Variants in ATL3 observed in about 807,000 individuals in gnomAD.
ATL3 encodes atlastin GTPase 3.
Under a neutral mutation model 69.5 loss-of-function variants are expected in ATL3, and 49 were observed. That is an observed-to-expected ratio of 0.71 (90% CI 0.56 to 0.89). The LOEUF (loss-of-function observed/expected upper bound fraction) is 0.89, where lower values mean the gene tolerates loss of function less well. Ranked by LOEUF, ATL3 falls within the 40% of genes least tolerant of loss-of-function variation. The probability of loss-of-function intolerance (pLI) is 0.00; values close to 1 mark genes in which losing one functional copy is unlikely to be tolerated. For missense variants in ATL3, 606 were observed against 645.7 expected (o/e 0.94, Z 0.67); for synonymous variants, 214 against 224.1 (o/e 0.95, Z 0.40).
chr11:63,646,264 G>A (rs1434804127), intron 6 of ATL3, among the ~76,000 whole-genome samples: 3 of 152,180 alleles, frequency 2.0e-5, no homozygotes, highest in South Asian at 2.1e-4. Context: ...AAAGACAAAT[G>A]AGCATGGCTG....
chr11:63,662,725 C>A (rs1016518888), intron 1 of ATL3, among the ~76,000 whole-genome samples: 3 of 152,292 alleles, frequency 2.0e-5, no homozygotes, highest in Non-Finnish European at 4.4e-5. Flanking sequence ...ATGATCCACT[C>A]GTCTCAACCT....
chr11:63,630,894 T>C, intron 12 of ATL3, 146 bp downstream of exon 12: 4 of 656,220 alleles, frequency 6.1e-6, no homozygotes, highest in Non-Finnish European at 1.0e-5. Flanking sequence ...TAATAAAACA[T>C]ACAGTCTATC....
chr11:63,648,944 C>G (rs1939980906), intron 5 of ATL3, among the ~76,000 whole-genome samples: 1 of 151,990 alleles, frequency 6.6e-6, no homozygotes, highest in African/African-American at 2.4e-5. Context: ...ATAGTGAAAC[C>G]CTGTCTCTAC....
intron 1 of ATL3, among the ~76,000 whole-genome samples, chr11:63,661,130 G>A (rs1431304960): frequency 6.6e-6 from 1 of 151,410 alleles, no homozygotes; most frequent in Non-Finnish European, 1.5e-5. Flanking sequence ...GGCTGAGGGA[G>A]AAGAATTGCT....
chr11:63,671,318 TC>T lies in ATL3; in HGVS notation c.17del (p.Arg6GlnfsTer36), dbSNP rs1364498817. 6.3e-7 allele frequency: 1 copy of T among 1,588,412 alleles called. No individual in the cohort carries two copies. Among genetic ancestry groups the T allele is most frequent in the South Asian group, 1.1e-5 (1 of 88,792 alleles). MLSPQ[R>X]VAAAASRGAD... is the part of the protein sequence containing the mutation. ...CTCCTCTTGAGGCAGCTGCTGCCAC[TC>T]GCTGAGGGGACAACATGGAGCCTCC... is the stretch of plus-strand genomic sequence containing the variant. On this transcript the variant is annotated frameshift_variant, in exon 1 of 13. Coordinates refer to ENST00000398868, the MANE Select transcript of ATL3 (RefSeq NM_015459.5). LOFTEE classifies it high-confidence loss of function.
chr11:63,651,885 CT>C, intron 5 of ATL3, 50 bp downstream of exon 5: 1 of 1,551,786 alleles, frequency 6.4e-7, no homozygotes, highest in South Asian at 1.2e-5. Context: ...GTTCCTTAAT[CT>C]TAAAACTTTT....
chr11:63,629,279 G>A lies in ATL3; in HGVS notation c.*40C>T. On this transcript the variant is annotated 3_prime_UTR_variant, in exon 13 of 13. Transcript: ENST00000398868. The stretch of plus-strand genomic sequence containing the variant: ...CGTGGCAGAAACCCAGAAATCAGTA[G>A]GGGCTTGTTGTGTTCTTGTTTGATC... The A allele has an allele frequency of 6.5e-7, 1 of 1,544,856 alleles. No individual in the cohort carries two copies. The highest frequency in any genetic ancestry group is 8.9e-7 in the Non-Finnish European group (1 of 1,117,348).
In ATL3 at chr11:63,667,696, G is replaced by T. The variant is rs148271233; in HGVS notation, c.46+3594C>A. Among the ~76,000 whole-genome samples the T allele has an allele frequency of 2.3e-3, 356 of 151,614 alleles. 4 individuals carry two copies. The highest frequency in any genetic ancestry group is 7.4e-3 in the African/African-American group (307 of 41,344). On this transcript the variant is annotated intron_variant, in intron 1 of 12. Transcript: ENST00000398868. ...GGAGAATCACTTGAACTTGGGAGAT[G>T]GAGGCTGCAGTGAGCTGAGATCGCG...
At chr11:63,651,801 G>A in intron 5 of ATL3, 135 bp downstream of exon 5, 2 of 1,305,894 alleles carry the variant, frequency 1.5e-6, no homozygotes, top group Non-Finnish European at 2.0e-6. Context: ...GCTATACATA[G>A]TATAGAATTA....
At chr11:63,641,887 A>T (rs1365145924) in intron 8 of ATL3, among the ~76,000 whole-genome samples, 1 of 152,208 alleles carries the variant, frequency 6.6e-6, no homozygotes, top group African/African-American at 2.4e-5. Flanking sequence ...GAAACTATGG[A>T]AGAATGCCAT....
At chr11:63,665,604 T>A (rs955553626) in intron 1 of ATL3, among the ~76,000 whole-genome samples, 1 of 152,094 alleles carries the variant, frequency 6.6e-6, no homozygotes, top group Non-Finnish European at 1.5e-5. Flanking sequence ...AAAGATCTTG[T>A]TGGCCAGGCA....
intron 3 of ATL3, among the ~76,000 whole-genome samples, chr11:63,653,239 G>T (rs1940136594): frequency 6.6e-6 from 1 of 152,154 alleles, no homozygotes; most frequent in Non-Finnish European, 1.5e-5. Flanking sequence ...GGCCAAGGCA[G>T]GTGGATCACC....
At position 63,643,385 on chromosome 11, in the gene ATL3, T is replaced by C. The variant is rs1452266944; in HGVS notation, c.822A>G (p.Thr274=). 4 of 1,610,728 alleles carry C rather than the reference T, an allele frequency of 2.5e-6. No homozygotes were observed. The highest frequency in any genetic ancestry group is 3.4e-6 in the Non-Finnish European group (4 of 1,178,434). Residue 274 remains threonine (T), a synonymous_variant, in exon 8 of 13, where the codon ACA becomes ACG. Coordinates refer to ENST00000398868, the MANE Select transcript of ATL3 (RefSeq NM_015459.5). ...LLPHPGLQVA[T]SPDFDGKLKD... is the part of the protein sequence containing the mutation. ...TTAATTTCCCATCAAAGTCAGGGCT[T>C]GTGGCCACCTGGAGTCCTGGATGTG... is the stretch of plus-strand genomic sequence containing the variant.
At chr11:63,641,019 A>G (rs1341423781) in intron 8 of ATL3, among the ~76,000 whole-genome samples, 1 of 152,250 alleles carries the variant, frequency 6.6e-6, no homozygotes, top group African/African-American at 2.4e-5. Context: ...GTTACAATTC[A>G]TAAAGATGAT....
At chr11:63,670,701 T>C (rs1259986908) in intron 1 of ATL3, among the ~76,000 whole-genome samples, 1 of 152,198 alleles carries the variant, frequency 6.6e-6, no homozygotes, top group African/African-American at 2.4e-5. Flanking sequence ...TAAGTATGGG[T>C]TGAAAACCAA....
At chr11:63,634,039 A>C (rs1282290072) in intron 10 of ATL3, among the ~76,000 whole-genome samples, 2 of 89,142 alleles carry the variant, frequency 2.2e-5, no homozygotes, top group South Asian at 3.5e-4. Flanking sequence ...TGTCTCAAAC[A>C]AAAAAAAAAA....
chr11:63,658,711 C>A, intron 3 of ATL3, 50 bp downstream of exon 3: 2 of 1,546,608 alleles, frequency 1.3e-6, no homozygotes, highest in African/African-American at 1.4e-5. Flanking sequence ...TGCTGAAGTT[C>A]ATATTTTGTT....
chr11:63,646,463 A>G, intron 6 of ATL3, 44 bp downstream of exon 6: 1 of 1,315,042 alleles, frequency 7.6e-7, no homozygotes, highest in Non-Finnish European at 1.1e-6. Flanking sequence ...ATCTGTGAAA[A>G]CAAAAACAAA....
rs1939151731 is a variant in ATL3 at position 63,627,429 on chromosome 11, G to GA, written c.*1889dup. 6.6e-6 allele frequency: 1 copy of GA among 152,148 alleles called. No individual in the cohort carries two copies. The highest frequency in any genetic ancestry group is 1.5e-5 in the Non-Finnish European group (1 of 68,006). The allele number at this position is 152,148 out of a possible 1,614,324, so 9.4% of individuals were successfully genotyped here. A position where few individuals can be genotyped will look rare whatever the true frequency, so the allele number is the denominator to read the frequency against. ...ATATAAATATGAAACAATATGCTGC[G>GA]AATTTAGGACTTACAAAAATACTTC... is the stretch of plus-strand genomic sequence containing the variant. On this transcript the variant is annotated 3_prime_UTR_variant, in exon 13 of 13. Transcript: ENST00000398868.
Sources: allele counts gnomAD v4.1 joint callset (sites outside exome capture counted in the v4.1 genomes callset), GRCh38; gene constraint gnomAD v4.1.1; transcripts MANE v1.5; gene names NCBI Gene and HGNC (gene_info 2026-07-23, HGNC 2026-07-21).